Variants in TGFB3 observed in about 807,000 individuals in gnomAD.
The protein encoded by TGFB3 is transforming growth factor beta-3 proprotein.
In TGFB3, 5 loss-of-function variants were observed where a neutral mutation model predicts 40.1. That is an observed-to-expected ratio of 0.12 (90% CI 0.07 to 0.26). The LOEUF is 0.26. TGFB3 is among the 10% of genes least tolerant of loss of function. The probability of loss-of-function intolerance (pLI) is 1.00; values close to 1 mark genes in which losing one functional copy is unlikely to be tolerated. For missense variants in TGFB3, 373 were observed against 530.1 expected (o/e 0.70, Z 2.91); for synonymous variants, 184 against 205.6 (o/e 0.89, Z 0.90).
At chr14:75,975,466 A>T (rs777395412) in intron 1 of TGFB3, among the ~76,000 whole-genome samples, 8 of 152,244 alleles carry the variant, frequency 5.3e-5, no homozygotes, top group Non-Finnish European at 8.8e-5. Context: ...CTGAATAATG[A>T]TGTTTTAAGT....
chr14:75,973,907 C>T (rs4252324), intron 1 of TGFB3, among the ~76,000 whole-genome samples: 8,716 of 152,118 alleles, frequency 0.057, 270 homozygotes, highest in South Asian at 0.082. Flanking sequence ...TTCGGGAAGC[C>T]GAGGTGGGCA....
At chr14:75,966,049 G>A in intron 3 of TGFB3, 1 of 351,482 alleles carries the variant, frequency 2.8e-6, no homozygotes, top group South Asian at 2.3e-5. Context: ...AGTAAGGAAA[G>A]CAAAAACTCA....
At chr14:75,982,599 G>A (rs543212352), upstream of TGFB3, among the ~76,000 whole-genome samples, 1 of 152,092 alleles carries the variant, frequency 6.6e-6, no homozygotes, top group Non-Finnish European at 1.5e-5. The surrounding 1 kb of genome is among the most constrained non-coding windows in gnomAD (Gnocchi z 4.0). Context: ...CCGGAAGATC[G>A]AGGGTGCCCT....
rs1180760008 is a variant in TGFB3, at chr14:75,981,062, C to G, written c.-169G>C. The G allele has an allele frequency of 3.0e-6, 2 of 669,190 alleles. No individual in the cohort carries two copies. The highest frequency in any genetic ancestry group is 1.8e-5 in the African/African-American group (1 of 55,784). The allele number at this position is 669,190 out of a possible 1,614,324, so 41.5% of individuals were successfully genotyped here. ...CTGCACTGCGAGAGCTTCAGGACTT[C>G]CAGGAAGCGCTGGCAACCCTGAGGA... On this transcript the variant is annotated 5_prime_UTR_variant, in exon 1 of 7. Coordinates refer to ENST00000238682, the MANE Select transcript of TGFB3 (RefSeq NM_003239.5). This position sits in a 1 kb window ranked among gnomAD's most constrained non-coding sequence, Gnocchi z 4.7.
rs138389291 is a variant in TGFB3, at chr14:75,971,214, G to A, written c.558C>T (p.Ile186=). The change falls in exon 3 of 7, where the codon ATC becomes ATT. Residue 186 remains isoleucine, a synonymous_variant. Coordinates refer to ENST00000238682, the MANE Select transcript of TGFB3 (RefSeq NM_003239.5). The surrounding 1 kb of genome is among the most constrained non-coding windows in gnomAD (Gnocchi z 4.5). ...PDEHIAKQRY[I]GGKNLPTRGT... is the part of the protein sequence containing the mutation. ...CCCGTGTGGGCAGATTCTTGCCACC[G>A]ATATAGCGCTGTTTGGCAATGTGCT... 6.4e-5 allele frequency: 104 copies of A among 1,614,164 alleles called. No homozygotes were observed. The highest frequency in any genetic ancestry group is 1.5e-4 in the African/African-American group (11 of 75,042).
rs1380630603 is a variant in TGFB3, at chr14:75,980,593, A to T, written c.301T>A (p.Tyr101Asn). 5 of 1,614,228 alleles carry T rather than the reference A, an allele frequency of 3.1e-6. No individual in the cohort carries two copies. The highest frequency in any genetic ancestry group is 4.2e-6 in the Non-Finnish European group (5 of 1,180,042). ...CTQENTESEYYAKEIHKFDMI... is the reference protein window; with the variant it reads ...CTQENTESEYNAKEIHKFDMI... ...TCGAATTTATGGATTTCTTTGGCAT[A>T]GTATTCCGACTCGGTGTTTTCCTGG... Residue 101 changes from tyrosine to asparagine, a missense_variant, in exon 1 of 7, where the codon TAT becomes AAT. Transcript: ENST00000238682. This position sits in a 1 kb window ranked among gnomAD's most constrained non-coding sequence, Gnocchi z 4.3.
chr14:75,960,852 A>T, intron 6 of TGFB3, 71 bp downstream of exon 6: 1 of 1,598,038 alleles, frequency 6.3e-7, no homozygotes, highest in Non-Finnish European at 8.6e-7. Context: ...TCAATCCTTC[A>T]CTCATTCTTT....
In TGFB3 at chr14:75,979,188, G is replaced by A. The variant is rs961006464; in HGVS notation, c.352+1354C>T. Among the ~76,000 whole-genome samples the A allele has an allele frequency of 5.3e-5, 8 of 152,104 alleles. No homozygotes were observed. Among genetic ancestry groups the A allele is most frequent in the Admixed American group, 1.3e-4 (2 of 15,280 alleles). ...CAGGAAGCTGGAGCGGGAACCCCTCGCCAGTAACCACAGGCTCCTCTGCCT... is the reference window on the plus strand; with the variant it reads ...CAGGAAGCTGGAGCGGGAACCCCTCACCAGTAACCACAGGCTCCTCTGCCT... On this transcript the variant is annotated intron_variant, in intron 1 of 6. Coordinates refer to ENST00000238682, the MANE Select transcript of TGFB3 (RefSeq NM_003239.5). The surrounding 1 kb of genome is among the most constrained non-coding windows in gnomAD (Gnocchi z 4.8).
rs758527616 is a variant in TGFB3 at position 75,980,773 on chromosome 14, C to G, written c.121G>C (p.Glu41Gln). The stretch of plus-strand genomic sequence containing the variant: ...CTCAAGATCTGTCCCCTAATGGCTT[C>G]CACCCTCTTCTTCTTGATGTGGCCG... ...DFGHIKKKRV[E>Q]AIRGQILSKL... is the part of the protein sequence containing the mutation. The change falls in exon 1 of 7, where the codon GAA becomes CAA. Residue 41 changes from glutamate (E) to glutamine (Q), a missense_variant. By Grantham distance (29) the Glu-to-Gln change is conservative. Coordinates refer to ENST00000238682, the MANE Select transcript of TGFB3 (RefSeq NM_003239.5). The surrounding 1 kb of genome is among the most constrained non-coding windows in gnomAD (Gnocchi z 4.3). 1 of 1,614,020 alleles carries G rather than the reference C, an allele frequency of 6.2e-7. No individual in the cohort carries two copies. The highest frequency in any genetic ancestry group is 1.1e-5 in the South Asian group (1 of 91,086).
chr14:75,976,077 T>C (rs964550704), intron 1 of TGFB3, among the ~76,000 whole-genome samples: 2 of 152,192 alleles, frequency 1.3e-5, no homozygotes, highest in African/African-American at 2.4e-5. Context: ...AACCAGGAAA[T>C]AGCTGACCAT....
chr14:75,963,188 C>T, intron 5 of TGFB3, 128 bp downstream of exon 5: 1 of 1,064,252 alleles, frequency 9.4e-7, no homozygotes, highest in Non-Finnish European at 1.4e-6. Context: ...TTTCAGTCTT[C>T]TTCCTGGAGA....
rs2035393754 is a variant in TGFB3 at position 75,979,355 on chromosome 14, G to A, written c.352+1187C>T. On this transcript the variant is annotated intron_variant, in intron 1 of 6. Transcript: ENST00000238682. The surrounding 1 kb of genome is among the most constrained non-coding windows in gnomAD (Gnocchi z 4.8). ...GCTGACCACCCTCCCCTGCCTGCCA[G>A]CTCCATCCCATGCCCTCCACCCCAC... is the stretch of plus-strand genomic sequence containing the variant. 6.6e-6 allele frequency among the ~76,000 whole-genome samples: 1 copy of A among 152,054 alleles called. No individual in the cohort carries two copies. Among genetic ancestry groups the A allele is most frequent in the African/African-American group, 2.4e-5 (1 of 41,384 alleles).
At chr14:75,975,620 G>A (rs778828201) in intron 1 of TGFB3, among the ~76,000 whole-genome samples, 20 of 152,174 alleles carry the variant, frequency 1.3e-4, no homozygotes, top group Non-Finnish European at 2.2e-4. Flanking sequence ...CTTGACAAAT[G>A]AGAAAACTGA....
chr14:75,964,238 G>C (rs2035194787), intron 4 of TGFB3, among the ~76,000 whole-genome samples: 1 of 152,122 alleles, frequency 6.6e-6, no homozygotes, highest in Non-Finnish European at 1.5e-5. Flanking sequence ...CTTAAAATGT[G>C]AATGGACCAA....
intron 3 of TGFB3, among the ~76,000 whole-genome samples, chr14:75,967,976 A>T (rs1471275162): frequency 1.3e-5 from 2 of 152,152 alleles, no homozygotes; most frequent in Non-Finnish European, 2.9e-5. Flanking sequence ...CTGAGCCATG[A>T]TGCTGAGAGG....
intron 5 of TGFB3, chr14:75,962,916 T>G (rs1474836853): frequency 6.1e-6 from 2 of 326,700 alleles, no homozygotes; most frequent in Non-Finnish European, 1.2e-5. Flanking sequence ...CTTGGACCCT[T>G]CATAGGGAAC....
At position 75,960,764 on chromosome 14, in the gene TGFB3, C is replaced by G. The variant is rs2035146425; in HGVS notation, c.1080+159G>C. 3.1e-5 allele frequency: 28 copies of G among 911,732 alleles called. No individual in the cohort carries two copies. In the South Asian group the frequency reaches 4.1e-4, roughly 13 times the overall value. The allele number at this position is 911,732 out of a possible 1,614,324, so 56.5% of individuals were successfully genotyped here. ...AAGGGCAGAATGTGACTGAGTAGAA[C>G]TGAGTCAGGGTGCCAAGATCAGAAC... On this transcript the variant is annotated intron_variant, in intron 6 of 6. Coordinates refer to ENST00000238682, the MANE Select transcript of TGFB3 (RefSeq NM_003239.5).
At position 75,971,573 on chromosome 14, in the gene TGFB3, C is replaced by T. The variant is rs886050796; in HGVS notation, c.498G>A (p.Gln166=). 3 of 1,614,108 alleles carry T rather than the reference C, an allele frequency of 1.9e-6. No individual in the cohort carries two copies. Among genetic ancestry groups the T allele is most frequent in the African/African-American group, 1.3e-5 (1 of 74,956 alleles). ...VPNPSSKRNE[Q]RIELFQILRP... is the part of the protein sequence containing the mutation. ...GAGTTACCTGGAAGAGCTCGATCCT[C>T]TGCTCATTCCGCTTAGAGCTGGGGT... The change falls in exon 2 of 7, where the codon CAG becomes CAA. Residue 166 remains glutamine, a synonymous_variant. Coordinates refer to ENST00000238682, the MANE Select transcript of TGFB3 (RefSeq NM_003239.5). The surrounding 1 kb of genome is among the most constrained non-coding windows in gnomAD (Gnocchi z 4.5).
chr14:75,964,465 T>TG, intron 4 of TGFB3, among the ~76,000 whole-genome samples: 1 of 152,252 alleles, frequency 6.6e-6, no homozygotes, highest in Admixed American at 6.5e-5. Flanking sequence ...CCGTTTCATC[T>TG]GAAAAAAAAG....
Sources: allele counts gnomAD v4.1 joint callset (sites outside exome capture counted in the v4.1 genomes callset), GRCh38; gene constraint gnomAD v4.1.1; non-coding constraint Gnocchi (gnomAD v3.1); transcripts MANE v1.5; gene names NCBI Gene and HGNC (gene_info 2026-07-23, HGNC 2026-07-21).